Variants in TESK2 observed in about 807,000 individuals in gnomAD.
The protein encoded by TESK2 is testis associated actin remodelling kinase 2.
Under a neutral mutation model 57.1 loss-of-function variants are expected in TESK2, and 39 were observed. The ratio of observed to expected loss-of-function variants is 0.68; its 90% confidence interval spans 0.53 to 0.89. The LOEUF (loss-of-function observed/expected upper bound fraction) is 0.89, where lower values mean the gene tolerates loss of function less well. Ranked by LOEUF, TESK2 falls within the 40% of genes least tolerant of loss-of-function variation. TESK2 has a pLI of 0.00. For missense variants in TESK2, 646 were observed against 732.1 expected, an observed-to-expected ratio of 0.88 and a Z score of 1.36; for synonymous variants, 249 against 267.9, an observed-to-expected ratio of 0.93 and a Z score of 0.69.
At chr1:45,385,736 A>G (rs1225944483) in intron 4 of TESK2, among the ~76,000 whole-genome samples, 176 bp downstream of exon 4, 1 of 149,218 alleles carries the variant, frequency 6.7e-6, no homozygotes, top group African/African-American at 2.5e-5. Flanking sequence ...ATATATATAT[A>G]AAGAAATACT....
At chr1:45,377,995 C>T (rs1282748641) in intron 4 of TESK2, among the ~76,000 whole-genome samples, 2 of 151,742 alleles carry the variant, frequency 1.3e-5, no homozygotes, top group African/African-American at 2.4e-5. Flanking sequence ...CACTGCACTC[C>T]AGCCTGGGTG....
chr1:45,422,518 A>G, intron 2 of TESK2, among the ~76,000 whole-genome samples: 1 of 152,142 alleles, frequency 6.6e-6, no homozygotes, highest in East Asian at 1.9e-4. Flanking sequence ...ATCTCGGCTC[A>G]CTGCAACCTC....
rs1027503420 is a variant in TESK2, at chr1:45,473,831, C to T, written c.-86-15960G>A. Among the ~76,000 whole-genome samples the T allele has an allele frequency of 6.1e-5, 9 of 147,928 alleles. No individual in the cohort carries two copies. The Admixed American group carries it at 6.1e-4, about 10-fold the overall frequency. On this transcript the variant is annotated intron_variant, in intron 1 of 10. Transcript: ENST00000372086. ...TTTTTTTTTAAGATAAGGTCTTGCT[C>T]TGTCACCCAGGGTGTAGTGCAGTGG...
chr1:45,379,387 C>T (rs368316713), intron 4 of TESK2, among the ~76,000 whole-genome samples: 9 of 152,130 alleles, frequency 5.9e-5, no homozygotes, highest in South Asian at 2.1e-4. Context: ...TGGTCTTGAA[C>T]GCCTGGCCTC....
chr1:45,387,947 C>T (rs2149275578), intron 3 of TESK2, among the ~76,000 whole-genome samples: 1 of 152,268 alleles, frequency 6.6e-6, no homozygotes, highest in African/African-American at 2.4e-5. Flanking sequence ...GCGGAGGCTG[C>T]AGTGAGCCGA....
chr1:45,397,752 A>G (rs747776612), intron 3 of TESK2, among the ~76,000 whole-genome samples: 5 of 152,154 alleles, frequency 3.3e-5, no homozygotes, highest in Non-Finnish European at 7.3e-5. Flanking sequence ...TATTGTTGTG[A>G]GAATGAGTCT....
chr1:45,470,224 C>T lies in TESK2; in HGVS notation c.-86-12353G>A, dbSNP rs547699834. 6.0e-4 allele frequency among the ~76,000 whole-genome samples: 91 copies of T among 152,222 alleles called. 2 individuals carry two copies. Among genetic ancestry groups the T allele is most frequent in the African/African-American group, 2.1e-3 (89 of 41,538 alleles). On this transcript the variant is annotated intron_variant, in intron 1 of 10. Coordinates refer to ENST00000372086, the MANE Select transcript of TESK2 (RefSeq NM_007170.3). ...ATTCATTATGAGTAATATGTAGCCC[C>T]GAAAACTGGCCACTTATTTTCTAGA... is the stretch of plus-strand genomic sequence containing the variant.
chr1:45,473,345 C>T (rs901362098), intron 1 of TESK2, among the ~76,000 whole-genome samples: 4 of 151,962 alleles, frequency 2.6e-5, no homozygotes, highest in Non-Finnish European at 4.4e-5. Flanking sequence ...ACAAATGAGA[C>T]TAAAAAGGAA....
chr1:45,484,104 C>CTTTT (rs533666070), intron 1 of TESK2, among the ~76,000 whole-genome samples: 7 of 84,858 alleles, frequency 8.2e-5, no homozygotes, highest in African/African-American at 9.3e-5. Context: ...TTTAATTCTT[C>CTTTT]TTTTTTTTTT....
At chr1:45,414,901 C>T (rs1436992404) in intron 3 of TESK2, 6 of 418,454 alleles carry the variant, frequency 1.4e-5, no homozygotes, top group African/African-American at 2.0e-5. Flanking sequence ...AGTAGAAAAC[C>T]GTTGAATCTA....
At chr1:45,370,050 T>C (rs1016399855) in intron 4 of TESK2, among the ~76,000 whole-genome samples, 80 of 151,916 alleles carry the variant, frequency 5.3e-4, no homozygotes, top group African/African-American at 1.8e-3. Flanking sequence ...AAAGAGCATA[T>C]TCTAGGTTGA....
At chr1:45,423,596 A>C (rs1288199381) in intron 2 of TESK2, among the ~76,000 whole-genome samples, 3 of 151,734 alleles carry the variant, frequency 2.0e-5, no homozygotes, top group Non-Finnish European at 4.4e-5. Context: ...AAAAAATTTC[A>C]TGCTAAATAT....
chr1:45,411,895 G>T (rs1446714369), intron 3 of TESK2, among the ~76,000 whole-genome samples: 2 of 152,124 alleles, frequency 1.3e-5, no homozygotes, highest in Non-Finnish European at 2.9e-5. Context: ...GGCTCAAATG[G>T]ATCCTCCCGC....
intron 2 of TESK2, among the ~76,000 whole-genome samples, chr1:45,454,038 G>T (rs988967999): frequency 6.6e-6 from 1 of 152,156 alleles, no homozygotes. Flanking sequence ...AGCACATGGA[G>T]AAACTGGAAC....
intron 3 of TESK2, among the ~76,000 whole-genome samples, chr1:45,405,867 C>T (rs1043249667): frequency 8.7e-5 from 12 of 138,420 alleles, no homozygotes; most frequent in Admixed American, 8.3e-4. Flanking sequence ...GAGCAAGACC[C>T]TGTCTCAAAA....
Position 45,418,183 on chromosome 1 carries a change from C to T in TESK2, c.344+3542G>A, listed in dbSNP as rs112840735. On this transcript the variant is annotated intron_variant, in intron 3 of 10. Coordinates refer to ENST00000372086, the MANE Select transcript of TESK2 (RefSeq NM_007170.3). ...TTCTATTTTCTAAATGTTTGCATTG[C>T]AATTATGTATCACTTCTGTAATAAT... Among the ~76,000 whole-genome samples the T allele has an allele frequency of 1.8e-3, 276 of 152,268 alleles. 2 individuals carry two copies. The highest frequency in any genetic ancestry group is 6.5e-3 in the African/African-American group (270 of 41,560).
intron 3 of TESK2, among the ~76,000 whole-genome samples, chr1:45,392,656 G>A (rs893741713): frequency 7.9e-5 from 12 of 151,722 alleles, no homozygotes; most frequent in Admixed American, 1.3e-4. Context: ...AGCCGAGAGC[G>A]CACCATTGCA....
At chr1:45,412,307 G>T (rs1557562809) in intron 3 of TESK2, among the ~76,000 whole-genome samples, 1 of 152,186 alleles carries the variant, frequency 6.6e-6, no homozygotes, top group African/African-American at 2.4e-5. Context: ...CACATATACG[G>T]GAAGGAATAG....
chr1:45,408,720 G>A (rs183474513), intron 3 of TESK2, among the ~76,000 whole-genome samples: 3 of 152,274 alleles, frequency 2.0e-5, no homozygotes, highest in Admixed American at 6.5e-5. Flanking sequence ...CAGGGTTGAG[G>A]GTAGGATAGG....
Sources: gnomAD v4.1 joint callset for allele counts (sites outside exome capture counted in the v4.1 genomes callset) on GRCh38, gnomAD v4.1.1 for gene constraint, MANE v1.5 for transcripts, NCBI Gene and HGNC (gene_info 2026-07-23, HGNC 2026-07-21) for gene names.